Variants in MTAP observed in about 807,000 individuals in gnomAD.
The protein encoded by MTAP is S-methyl-5'-thioadenosine phosphorylase.
In MTAP, 33 loss-of-function variants were observed where a neutral mutation model predicts 33.6. The observed-to-expected ratio is 0.98, with a 90% confidence interval of 0.74 to 1.31. MTAP has a LOEUF of 1.31. Ranked by LOEUF, MTAP falls within the 40% of genes most tolerant of loss-of-function variation. MTAP has a pLI of 0.00. For synonymous variants in MTAP, 148 were observed against 125.7 expected (o/e 1.18, Z -1.19); for missense variants, 367 against 360.0 (o/e 1.02, Z -0.16).
At chr9:21,839,455 G>T (rs1825190481) in intron 5 of MTAP, among the ~76,000 whole-genome samples, 1 of 152,150 alleles carries the variant, frequency 6.6e-6, no homozygotes, top group South Asian at 2.1e-4. Flanking sequence ...GTGACTTGGG[G>T]AACTAGGAGT....
At chr9:21,931,292 A>G (rs1391712265), downstream of MTAP, 1 of 584,502 alleles carries the variant, frequency 1.7e-6, no homozygotes, top group Non-Finnish European at 3.1e-6. Context: ...TTCCCAAAGA[A>G]TTGGGTCATG....
chr9:21,929,292 C>T (rs1006037951), intron 1 of MTAP, among the ~76,000 whole-genome samples: 5 of 152,180 alleles, frequency 3.3e-5, no homozygotes, highest in Non-Finnish European at 5.9e-5. Flanking sequence ...GCCCCCTCAA[C>T]ATCCTTTCAC....
At chr9:21,829,125 C>T (rs568373419) in intron 4 of MTAP, among the ~76,000 whole-genome samples, 4 of 152,292 alleles carry the variant, frequency 2.6e-5, no homozygotes, top group South Asian at 2.1e-4. Flanking sequence ...AGACGGGCAT[C>T]TCCTACCTCC....
intron 5 of MTAP, among the ~76,000 whole-genome samples, chr9:21,849,997 C>A (rs1356359234): frequency 2.0e-5 from 3 of 152,230 alleles, no homozygotes; most frequent in Non-Finnish European, 4.4e-5. Context: ...CTTGACTGTC[C>A]TACCTCAAGG....
At chr9:21,871,890 T>A (rs912590805), downstream of MTAP, among the ~76,000 whole-genome samples, 2 of 152,202 alleles carry the variant, frequency 1.3e-5, no homozygotes, top group African/African-American at 4.8e-5. Context: ...ACATATTAGG[T>A]GTTCAATAAA....
At chr9:21,834,202 C>T (rs1283105588) in intron 4 of MTAP, among the ~76,000 whole-genome samples, 3 of 152,268 alleles carry the variant, frequency 2.0e-5, no homozygotes, top group African/African-American at 4.8e-5. Flanking sequence ...TCAGTTTTCA[C>T]GGGGACTTTA....
At chr9:21,827,106 C>T (rs1204254589) in intron 4 of MTAP, among the ~76,000 whole-genome samples, 2 of 152,212 alleles carry the variant, frequency 1.3e-5, no homozygotes, top group Non-Finnish European at 2.9e-5. Flanking sequence ...GGCAGCTGTA[C>T]TAGGGCCACC....
At chr9:21,914,995 T>TC (rs1563869232) in intron 1 of MTAP, among the ~76,000 whole-genome samples, 8 of 133,368 alleles carry the variant, frequency 6.0e-5, no homozygotes, top group South Asian at 2.5e-4. Context: ...CAATACTTTG[T>TC]TTTCTTTCCT....
Position 21,864,497 on chromosome 9 carries a change from T to C in MTAP, c.*2483T>C. On this transcript the variant is annotated 3_prime_UTR_variant, in exon 8 of 8. Transcript: ENST00000644715. ...CCTTAGTGATTAATAGATTTGCATGTACATAGAAGTCTTTGTTGGCCTTAT... is the reference window on the plus strand; with the variant it reads ...CCTTAGTGATTAATAGATTTGCATGCACATAGAAGTCTTTGTTGGCCTTAT... The C allele has an allele frequency of 1.0e-6, 1 of 985,428 alleles. No individual in the cohort carries two copies. The highest frequency in any genetic ancestry group is 1.7e-5 in the African/African-American group (1 of 57,362). The allele number at this position is 985,428 out of a possible 1,614,324, so 61.0% of individuals were successfully genotyped here.
At chr9:21,883,049 A>G (rs556863556) in intron 1 of MTAP, among the ~76,000 whole-genome samples, 17 of 151,928 alleles carry the variant, frequency 1.1e-4, no homozygotes, top group Non-Finnish European at 2.4e-4. Flanking sequence ...AATTAAATTA[A>G]TGAAGTAGAA....
intron 1 of MTAP, among the ~76,000 whole-genome samples, chr9:21,898,750 T>G (rs1316650140): frequency 6.6e-6 from 1 of 152,104 alleles, no homozygotes; most frequent in Non-Finnish European, 1.5e-5. Context: ...CTGGAGAGGA[T>G]GTGGAGAAAT....
chr9:21,833,819 A>G (rs767262845), intron 4 of MTAP, among the ~76,000 whole-genome samples: 9 of 152,184 alleles, frequency 5.9e-5, no homozygotes, highest in Admixed American at 1.3e-4. Flanking sequence ...GAAACGTATT[A>G]ACTAACAGCT....
chr9:21,938,568 T>G, downstream of MTAP, among the ~76,000 whole-genome samples: 1 of 152,340 alleles, frequency 6.6e-6, no homozygotes, highest in East Asian at 1.9e-4. Flanking sequence ...TTTCCAGATG[T>G]TCTGTGAACT....
rs1404391880 is a variant in MTAP at position 21,863,832 on chromosome 9, G to T, written c.*1818G>T. 1 of 985,632 alleles carries T rather than the reference G, an allele frequency of 1.0e-6. No homozygotes were observed. Among genetic ancestry groups the T allele is most frequent in the Admixed American group, 6.1e-5 (1 of 16,264 alleles). 61.1% of individuals were successfully genotyped at this position (985,632 alleles called of 1,614,324 possible). ...ACTTCAAGATAATAAGCTGCTAATT[G>T]TAAACAAAACAGTTACCCTCCAGTA... On this transcript the variant is annotated 3_prime_UTR_variant, in exon 8 of 8. Coordinates refer to ENST00000644715, the MANE Select transcript of MTAP (RefSeq NM_002451.4).
chr9:21,892,075 A>G (rs944734438), intron 1 of MTAP: 3 of 152,206 alleles, frequency 2.0e-5, no homozygotes, highest in African/African-American at 7.2e-5. Flanking sequence ...AGCAAATGCT[A>G]AGGGAATTTG....
intron 1 of MTAP, among the ~76,000 whole-genome samples, chr9:21,875,584 T>G (rs1173219230): frequency 2.0e-5 from 3 of 152,108 alleles, no homozygotes; most frequent in African/African-American, 4.8e-5. Context: ...CCCCAGTGTC[T>G]TCTTTGTGTC....
intron 1 of MTAP, among the ~76,000 whole-genome samples, chr9:21,898,474 A>G (rs1486580477): frequency 2.6e-5 from 4 of 152,232 alleles, no homozygotes; most frequent in African/African-American, 9.6e-5. Context: ...AATTTTTACA[A>G]TCTACCCATT....
intron 4 of MTAP, among the ~76,000 whole-genome samples, chr9:21,832,652 G>A (rs1179022410): frequency 6.6e-6 from 1 of 152,132 alleles, no homozygotes; most frequent in Non-Finnish European, 1.5e-5. Context: ...CTATTCCCCT[G>A]GATGAGGTTC....
At chr9:21,908,793 C>CT (rs141736141) in intron 1 of MTAP, among the ~76,000 whole-genome samples, 31,627 of 151,622 alleles carry the variant, frequency 0.21, 4,802 homozygotes, top group African/African-American at 0.42. Flanking sequence ...CTTTGTATAG[C>CT]TTTTTTAGTG....
Sources: allele counts gnomAD v4.1 joint callset (sites outside exome capture counted in the v4.1 genomes callset), GRCh38; gene constraint gnomAD v4.1.1; transcripts MANE v1.5; gene names NCBI Gene and HGNC (gene_info 2026-07-23, HGNC 2026-07-21).